The following APP variants were observed in gnomAD, a reference collection of about 807,000 sequenced individuals.
APP encodes amyloid beta precursor protein, also known as amyloid-beta precursor protein.
A neutral mutation model predicts 101.4 loss-of-function variants in APP; 31 were observed. That is an observed-to-expected ratio of 0.31 (90% CI 0.23 to 0.41). The LOEUF is 0.41. APP is among the 10% of genes least tolerant of loss of function. The pLI, the probability that APP is intolerant of heterozygous loss-of-function variation, is 1.00. For missense variants in APP, 839 were observed against 1,003.7 expected, an observed-to-expected ratio of 0.84 and a Z score of 2.22; for synonymous variants, 366 against 364.4, an observed-to-expected ratio of 1.00 and a Z score of -0.05.
At position 26,170,545 on chromosome 21, in the gene APP, T is replaced by C; in HGVS notation, c.57+19A>G. On this transcript the variant is annotated intron_variant, in intron 1 of 17. Transcript: ENST00000346798. ...CCCACCGTGCAGCCTCCCCCCGCCT[T>C]CCGAGGCGCGGCACCCACCTCCAGC... The C allele has an allele frequency of 1.3e-6, 2 of 1,536,816 alleles. No individual in the cohort carries two copies. The highest frequency in any genetic ancestry group is 8.7e-7 in the Non-Finnish European group (1 of 1,145,912).
At chr21:26,040,890 G>A (rs2045345296) in intron 5 of APP, among the ~76,000 whole-genome samples, 1 of 152,184 alleles carries the variant, frequency 6.6e-6, no homozygotes, top group Non-Finnish European at 1.5e-5. Flanking sequence ...CTTTGGCTAA[G>A]TGGCATTAGT....
At chr21:25,886,422 C>T (rs1224910808) in intron 17 of APP, among the ~76,000 whole-genome samples, 1 of 151,256 alleles carries the variant, frequency 6.6e-6, no homozygotes, top group East Asian at 1.9e-4. Flanking sequence ...TTAAGACAGT[C>T]TTGCTCTGTC....
At chr21:26,140,542 T>C in intron 1 of APP, 1 of 300,088 alleles carries the variant, frequency 3.3e-6, no homozygotes, top group East Asian at 7.6e-5. Flanking sequence ...GAGAAGGAAC[T>C]GCTGGCCCAA....
At chr21:25,888,102 G>C (rs1333028814) in intron 17 of APP, among the ~76,000 whole-genome samples, 1 of 152,084 alleles carries the variant, frequency 6.6e-6, no homozygotes, top group Non-Finnish European at 1.5e-5. Flanking sequence ...ATGGTATTCT[G>C]TCCTGAGTGA....
intron 13 of APP, among the ~76,000 whole-genome samples, chr21:25,945,254 G>A (rs1356466518): frequency 6.6e-6 from 1 of 152,132 alleles, no homozygotes; most frequent in African/African-American, 2.4e-5. Context: ...GTTCCTGAAT[G>A]GGGCTCAAGG....
At chr21:26,043,891 T>C (rs1331774388) in intron 5 of APP, among the ~76,000 whole-genome samples, 5 of 152,194 alleles carry the variant, frequency 3.3e-5, no homozygotes, top group African/African-American at 1.2e-4. Context: ...TAAAACTCAT[T>C]CTAGCTTGTA....
chr21:25,883,120 T>C (rs900106194), intron 17 of APP, among the ~76,000 whole-genome samples: 49 of 152,290 alleles, frequency 3.2e-4, no homozygotes, highest in South Asian at 1.0e-3. Context: ...TCTGTCAATA[T>C]GGCCGGGTGC....
intron 2 of APP, among the ~76,000 whole-genome samples, chr21:26,108,669 C>T (rs2062239899): frequency 6.6e-6 from 1 of 152,104 alleles, no homozygotes; most frequent in Admixed American, 6.5e-5. Flanking sequence ...GGGTGGATCG[C>T]AAGGTCAGGA....
chr21:26,012,420 C>T (rs902928728), intron 6 of APP, among the ~76,000 whole-genome samples: 4 of 151,938 alleles, frequency 2.6e-5, no homozygotes, highest in Non-Finnish European at 5.9e-5. Flanking sequence ...TCATTCTTGC[C>T]TCCCCTTGAC....
chr21:26,110,940 G>C (rs1398344805), intron 2 of APP, among the ~76,000 whole-genome samples: 1 of 151,952 alleles, frequency 6.6e-6, no homozygotes, highest in Non-Finnish European at 1.5e-5. Context: ...AGAAGTGTGA[G>C]ATAAAATGCC....
intron 1 of APP, among the ~76,000 whole-genome samples, chr21:26,113,336 T>A (rs1254223859): frequency 6.6e-6 from 1 of 152,164 alleles, no homozygotes; most frequent in East Asian, 1.9e-4. Flanking sequence ...ACTGAGAAAT[T>A]TTCAGTTAAA....
At chr21:26,140,359 C>T in intron 1 of APP, 1 of 1,498,734 alleles carries the variant, frequency 6.7e-7, no homozygotes, top group Non-Finnish European at 8.9e-7. Context: ...ACTAACCCAA[C>T]TTCTACCACG....
chr21:26,027,539 G>A (rs1478624991), intron 5 of APP, among the ~76,000 whole-genome samples: 2 of 152,180 alleles, frequency 1.3e-5, no homozygotes, highest in African/African-American at 2.4e-5. Context: ...TAAAGGCACT[G>A]TTAGAAGCGA....
intron 4 of APP, among the ~76,000 whole-genome samples, chr21:26,051,939 T>C (rs777220959): frequency 1.6e-4 from 25 of 152,340 alleles, no homozygotes; most frequent in Non-Finnish European, 3.1e-4. Context: ...GGATTTTTCT[T>C]TTGAAAACAC....
At chr21:25,888,078 G>A (rs115802276) in intron 17 of APP, among the ~76,000 whole-genome samples, 107 of 152,192 alleles carry the variant, frequency 7.0e-4, no homozygotes, top group African/African-American at 2.6e-3. Flanking sequence ...CAGGCACGAT[G>A]GTATGTAAGT....
intron 6 of APP, among the ~76,000 whole-genome samples, chr21:26,013,572 G>A (rs935708235): frequency 6.6e-6 from 1 of 151,352 alleles, no homozygotes; most frequent in Admixed American, 6.6e-5. Context: ...AATTAAATTG[G>A]ACTAAAATTT....
At chr21:25,949,381 T>G (rs1045863642) in intron 13 of APP, among the ~76,000 whole-genome samples, 4 of 152,174 alleles carry the variant, frequency 2.6e-5, no homozygotes, top group Non-Finnish European at 4.4e-5. Context: ...AGAACCCTGA[T>G]TTATGCTTTG....
chr21:26,059,288 G>C (rs149884858), intron 3 of APP, among the ~76,000 whole-genome samples: 56 of 152,284 alleles, frequency 3.7e-4, no homozygotes, highest in African/African-American at 1.3e-3. Flanking sequence ...CAGAATCATG[G>C]GAATGAAAGG....
Position 26,147,118 on chromosome 21 carries a change from T to C in APP, c.57+23446A>G, listed in dbSNP as rs45438491. ...TTACATTTTGCTTCTGGTTTTTTATTGGCTATTCTTACCTAATGGTTTTTC... is the reference window on the plus strand; with the variant it reads ...TTACATTTTGCTTCTGGTTTTTTATCGGCTATTCTTACCTAATGGTTTTTC... On this transcript the variant is annotated intron_variant, in intron 1 of 17. Coordinates refer to ENST00000346798, the MANE Select transcript of APP (RefSeq NM_000484.4). 3.4e-4 allele frequency among the ~76,000 whole-genome samples: 52 copies of C among 152,338 alleles called. No individual in the cohort carries two copies. In the East Asian group the frequency reaches 9.8e-3, roughly 29 times the overall value.
Sources: allele counts gnomAD v4.1 joint callset (sites outside exome capture counted in the v4.1 genomes callset), GRCh38; gene constraint gnomAD v4.1.1; transcripts MANE v1.5; gene names NCBI Gene and HGNC (gene_info 2026-07-23, HGNC 2026-07-21).